ANK2: variants seen among roughly 807,000 people sequenced by gnomAD.
The protein encoded by ANK2 is ankyrin-2.
In ANK2, 83 loss-of-function variants were observed where a neutral mutation model predicts 360.5. The observed-to-expected ratio is 0.23, with a 90% confidence interval of 0.19 to 0.28. The LOEUF (loss-of-function observed/expected upper bound fraction) is 0.28, where lower values mean the gene tolerates loss of function less well. Among genes scored for constraint, ANK2 ranks in the 10% least tolerant of loss-of-function variants. ANK2 has a pLI of 1.00. For missense variants in ANK2, 4,201 were observed against 4,795.7 expected (o/e 0.88, Z 3.66); for synonymous variants, 1,740 against 1,759.5 (o/e 0.99, Z 0.28).
At chr4:112,738,438 T>C in the ANK2 span, among the ~76,000 whole-genome samples, 2 of 146,664 alleles carry the variant, frequency 1.4e-5, no homozygotes, top group East Asian at 4.0e-4. Context: ...AAAAAAGACA[T>C]GCAAGATCCT....
At chr4:113,117,189 G>C in intron 1 of ANK2, 2 of 408,942 alleles carry the variant, frequency 4.9e-6, no homozygotes, top group East Asian at 1.4e-4. Flanking sequence ...CCATTGCCCT[G>C]GTGGGGAAAA....
chr4:113,216,260 T>C (rs1292369681), intron 4 of ANK2, among the ~76,000 whole-genome samples: 1 of 152,240 alleles, frequency 6.6e-6, no homozygotes, highest in East Asian at 1.9e-4. Flanking sequence ...AAGAACTGTT[T>C]GAGGCCAAGC....
Position 113,236,984 on chromosome 4 carries a change from C to T in ANK2, c.484-3C>T, listed in dbSNP as rs1376398043. ...AGACAATTTTTACCTTCCATTTTAC[C>T]AGGATGGCTTTACTCCTCTAGCTGT... On this transcript the variant is annotated splice_polypyrimidine_tract_variant and splice_region_variant and intron_variant, in intron 5 of 45. Transcript: ENST00000357077. 6.2e-7 allele frequency: 1 copy of T among 1,614,020 alleles called. No homozygotes were observed. The highest frequency in any genetic ancestry group is 8.5e-7 in the Non-Finnish European group (1 of 1,180,004).
chr4:113,184,075 C>T (rs952233229), intron 2 of ANK2, among the ~76,000 whole-genome samples: 7 of 148,992 alleles, frequency 4.7e-5, no homozygotes, highest in African/African-American at 1.5e-4. Context: ...GTGAAGTATG[C>T]ATCACTTGAG....
chr4:113,330,110 C>A, intron 26 of ANK2, 136 bp from the exon 27 acceptor site: 1 of 806,632 alleles, frequency 1.2e-6, no homozygotes, highest in Non-Finnish European at 2.0e-6. Context: ...CTTTTAAAAA[C>A]AAGCATTTTA....
chr4:113,373,695 A>G, intron 45 of ANK2: 1 of 662,916 alleles, frequency 1.5e-6, no homozygotes, highest in Non-Finnish European at 2.8e-6. Context: ...TCTATTCTTT[A>G]TTTAATTCAT....
chr4:112,801,054 A>G, the ANK2 span, among the ~76,000 whole-genome samples: 14 of 151,904 alleles, frequency 9.2e-5, no homozygotes, highest in African/African-American at 3.4e-4. Flanking sequence ...TATGTAGGAC[A>G]CCAAGGTAGT....
intron 1 of ANK2, among the ~76,000 whole-genome samples, chr4:113,122,096 TTGTGTTATAAGAATGAGTTGAAAG>T (rs1253484354): frequency 1.4e-4 from 21 of 152,244 alleles, no homozygotes; most frequent in African/African-American, 4.8e-4. Context: ...TGAAAGTGAA[TTGTGTTATAAGAATGAGTTGAAAG>T]TGTGTTATAA....
chr4:112,828,904 A>G (rs2059052874), intron 1 of ANK2, among the ~76,000 whole-genome samples: 1 of 152,228 alleles, frequency 6.6e-6, no homozygotes, highest in Admixed American at 6.5e-5. Context: ...CTGTAATTCT[A>G]GCTCTTTGGG....
intron 1 of ANK2, among the ~76,000 whole-genome samples, chr4:113,118,417 A>G (rs1417540553): frequency 1.3e-5 from 2 of 152,154 alleles, no homozygotes; most frequent in African/African-American, 4.8e-5. Context: ...TTTTTCTTCC[A>G]TAATAGATAT....
chr4:113,373,195 C>T (rs763586163), intron 44 of ANK2, 22 bp downstream of exon 44: 2 of 1,612,278 alleles, frequency 1.2e-6, no homozygotes, highest in Non-Finnish European at 1.7e-6. Flanking sequence ...TATATCCTAA[C>T]AGGGTTGATT....
chr4:112,931,637 C>T (rs988419758), intron 2 of ANK2, among the ~76,000 whole-genome samples: 4 of 151,866 alleles, frequency 2.6e-5, no homozygotes, highest in African/African-American at 9.7e-5. Flanking sequence ...CAGGGTTTCA[C>T]CTTGTTGGCC....
At chr4:113,127,845 A>G (rs1282584641) in intron 1 of ANK2, among the ~76,000 whole-genome samples, 3 of 152,166 alleles carry the variant, frequency 2.0e-5, no homozygotes, top group Non-Finnish European at 2.9e-5. Context: ...AGAGAGATGA[A>G]CAGGGCTTGG....
chr4:113,045,994 G>A (rs1275122981), upstream of ANK2, among the ~76,000 whole-genome samples: 1 of 152,162 alleles, frequency 6.6e-6, no homozygotes, highest in Non-Finnish European at 1.5e-5. Flanking sequence ...GGCATGCCAA[G>A]ATAGATATTA....
rs2153941687 is a variant in ANK2, at chr4:113,333,034, G to C, written c.3225-20G>C. ...TAGTTAGCTCCTGTCCACACTGAAT[G>C]TTCTGCATTGCTATGTCAGGCCTGT... On this transcript the variant is annotated intron_variant, in intron 28 of 45. Transcript: ENST00000357077. 2.5e-6 allele frequency: 4 copies of C among 1,614,112 alleles called. No individual in the cohort carries two copies. Among genetic ancestry groups the C allele is most frequent in the Non-Finnish European group, 3.4e-6 (4 of 1,179,998 alleles).
intron 1 of ANK2, among the ~76,000 whole-genome samples, chr4:113,156,389 A>ATTTTTTTTTTTTTTTTTTTC (rs1562481290): frequency 7.2e-6 from 1 of 137,940 alleles, no homozygotes; most frequent in Admixed American, 7.4e-5. Context: ...TTTGTTTTTG[A>ATTTTTTTTTTTTTTTTTTTC]GACAGAGTTT....
rs139411625 is a variant in ANK2 at position 113,062,487 on chromosome 4, G to A, written c.84+12675G>A. On this transcript the variant is annotated intron_variant, in intron 1 of 45. Transcript: ENST00000357077. Reference sequence around the variant, plus strand: ...GCTGTATAGCTCTTTGTATATTTCTGTATGACTACATATCACTCTTTTATA... The same window carrying A: ...GCTGTATAGCTCTTTGTATATTTCTATATGACTACATATCACTCTTTTATA... Among the ~76,000 whole-genome samples, 306 of 152,048 alleles carry A rather than the reference G, an allele frequency of 2.0e-3. 1 individual carries two copies. Among genetic ancestry groups the A allele is most frequent in the African/African-American group, 6.9e-3 (286 of 41,512 alleles).
chr4:112,943,839 G>C (rs1307180705), intron 2 of ANK2, among the ~76,000 whole-genome samples: 1 of 152,064 alleles, frequency 6.6e-6, no homozygotes, highest in Non-Finnish European at 1.5e-5. Context: ...TACTTTGAGA[G>C]AATATAATTT....
At chr4:112,744,469 C>T in the ANK2 span, among the ~76,000 whole-genome samples, 1 of 151,988 alleles carries the variant, frequency 6.6e-6, no homozygotes, top group South Asian at 2.1e-4. Flanking sequence ...ACCTCAGCCT[C>T]CCGAGTAGCT....
Sources: gnomAD v4.1 joint callset for allele counts (sites outside exome capture counted in the v4.1 genomes callset) on GRCh38, gnomAD v4.1.1 for gene constraint, MANE v1.5 for transcripts, NCBI Gene and HGNC (gene_info 2026-07-23, HGNC 2026-07-21) for gene names.